Variants in SEM1 observed in about 807,000 individuals in gnomAD.
SEM1 encodes the protein SEM1 26S proteasome subunit.
SEM1 carries 3 observed loss-of-function variants against 12.7 expected under a neutral mutation model. The observed-to-expected ratio is 0.24, with a 90% CI of 0.11 to 0.61. The LOEUF (loss-of-function observed/expected upper bound fraction) is 0.61, where lower values mean the gene tolerates loss of function less well. SEM1 is among the 20% of genes least tolerant of loss of function. The pLI is 0.88. For missense variants in SEM1, 59 were observed against 81.3 expected, an observed-to-expected ratio of 0.73 and a Z score of 1.06; for synonymous variants, 30 against 27.8, an observed-to-expected ratio of 1.08 and a Z score of -0.25.
chr7:96,556,364 G>A (rs1335574715), intron 2 of SEM1, among the ~76,000 whole-genome samples: 1 of 151,784 alleles, frequency 6.6e-6, no homozygotes, highest in African/African-American at 2.4e-5. Context: ...CTTCCTTCAG[G>A]AGCTCTTGTA....
In SEM1 at chr7:96,547,781, G is replaced by A. The variant is rs1049363804; in HGVS notation, c.171-41083C>T. Reference sequence around the variant, plus strand: ...AGTGGTACCTAGATGAGCCGCACTGGGCCCGGATCTTCCCTGTACACAGGA... The same window carrying A: ...AGTGGTACCTAGATGAGCCGCACTGAGCCCGGATCTTCCCTGTACACAGGA... On this transcript the variant is annotated intron_variant and NMD_transcript_variant, in intron 2 of 3. Coordinates refer to the SEM1 transcript ENST00000466986. 2.6e-5 allele frequency among the ~76,000 whole-genome samples: 4 copies of A among 152,010 alleles called. No homozygotes were observed. In the South Asian group the frequency reaches 6.2e-4, roughly 24 times the overall value.
downstream of SEM1, among the ~76,000 whole-genome samples, chr7:96,670,060 T>C (rs1789273280): frequency 6.6e-6 from 1 of 152,224 alleles, no homozygotes; most frequent in African/African-American, 2.4e-5. Context: ...TGATTCTGAC[T>C]TCAAGGTATA....
chr7:96,499,492 A>G (rs77350977), upstream of SEM1, among the ~76,000 whole-genome samples: 3,319 of 152,254 alleles, frequency 0.022, 113 homozygotes, highest in African/African-American at 0.076. Context: ...GCAGGAGGGA[A>G]CTGCATGAGG....
chr7:96,605,195 C>A (rs772374370), intron 2 of SEM1, among the ~76,000 whole-genome samples: 1 of 152,200 alleles, frequency 6.6e-6, no homozygotes, highest in South Asian at 2.1e-4. Flanking sequence ...GACAATTAAC[C>A]TAGTGAGGAA....
At chr7:96,662,524 TGGGAGGCAAG>T (rs1349363719) in intron 2 of SEM1, among the ~76,000 whole-genome samples, 2 of 151,020 alleles carry the variant, frequency 1.3e-5, no homozygotes, top group African/African-American at 4.9e-5. Context: ...TGTCAGGGGG[TGGGAGGCAAG>T]GGGAGGCAGA....
At chr7:96,642,699 T>C (rs1050017548) in intron 2 of SEM1, among the ~76,000 whole-genome samples, 1 of 152,044 alleles carries the variant, frequency 6.6e-6, no homozygotes, top group Admixed American at 6.6e-5. Context: ...TCACTTTTTG[T>C]CTTTCTCTCT....
chr7:96,534,897 T>C (rs1804743169), intron 2 of SEM1, among the ~76,000 whole-genome samples: 1 of 152,036 alleles, frequency 6.6e-6, no homozygotes, highest in Admixed American at 6.6e-5. Context: ...AAAAATTCTT[T>C]TTAACATTTC....
chr7:96,596,468 C>G (rs1226579928), intron 2 of SEM1, among the ~76,000 whole-genome samples: 1 of 152,188 alleles, frequency 6.6e-6, no homozygotes, highest in Admixed American at 6.5e-5. Flanking sequence ...ATGAGGCACA[C>G]AGCACCATTA....
At chr7:96,629,391 C>T (rs973648053) in intron 2 of SEM1, among the ~76,000 whole-genome samples, 1 of 151,806 alleles carries the variant, frequency 6.6e-6, no homozygotes, top group Admixed American at 6.6e-5. Context: ...TCTTCAAGCT[C>T]ACTAATTCCT....
At chr7:96,546,317 C>T (rs1294265943) in intron 2 of SEM1, among the ~76,000 whole-genome samples, 2 of 152,102 alleles carry the variant, frequency 1.3e-5, no homozygotes, top group African/African-American at 4.8e-5. Context: ...AAAAATGCTA[C>T]ACACAGTTCC....
intron 2 of SEM1, among the ~76,000 whole-genome samples, chr7:96,515,762 A>C (rs1299535329): frequency 6.6e-6 from 1 of 152,204 alleles, no homozygotes; most frequent in Admixed American, 6.5e-5. Context: ...CATTGTAAGC[A>C]AACTATCACA....
intron 2 of SEM1, among the ~76,000 whole-genome samples, chr7:96,516,362 A>G (rs1016953928): frequency 1.4e-4 from 22 of 152,150 alleles, no homozygotes; most frequent in African/African-American, 5.1e-4. Context: ...TATCCAAAAT[A>G]GACAAAGAAT....
At chr7:96,504,884 A>T (rs576918708) in intron 3 of SEM1, among the ~76,000 whole-genome samples, 74 of 151,748 alleles carry the variant, frequency 4.9e-4, no homozygotes, top group African/African-American at 1.7e-3. Context: ...TTGAAGACAC[A>T]AGGTTGTTTT....
downstream of SEM1, among the ~76,000 whole-genome samples, chr7:96,683,840 T>C (rs988231243): frequency 6.6e-6 from 1 of 152,058 alleles, no homozygotes; most frequent in African/African-American, 2.4e-5. Context: ...TGAGAATACA[T>C]GGACACAGGG....
chr7:96,588,240 C>T (rs575129172), intron 2 of SEM1, among the ~76,000 whole-genome samples: 1 of 151,860 alleles, frequency 6.6e-6, no homozygotes, highest in South Asian at 2.1e-4. Context: ...CCTGTAGTCT[C>T]AGCTACTTGG....
intron 2 of SEM1, among the ~76,000 whole-genome samples, chr7:96,528,197 G>A (rs1804530640): frequency 6.6e-6 from 1 of 151,964 alleles, no homozygotes; most frequent in Non-Finnish European, 1.5e-5. Flanking sequence ...TAATTTTGTG[G>A]GGTTGTTTTG....
chr7:96,566,551 T>G (rs962841780), intron 2 of SEM1, among the ~76,000 whole-genome samples: 1 of 151,610 alleles, frequency 6.6e-6, no homozygotes, highest in African/African-American at 2.4e-5. Flanking sequence ...AAGATAGCCC[T>G]TTATTATATA....
intron 1 of SEM1, among the ~76,000 whole-genome samples, chr7:96,703,865 C>G (rs1327147858): frequency 1.3e-5 from 2 of 151,884 alleles, no homozygotes; most frequent in African/African-American, 4.8e-5. Flanking sequence ...GAGGCTGAGA[C>G]AGAGGATCAC....
chr7:96,633,150 A>C (rs1189612119), intron 2 of SEM1, among the ~76,000 whole-genome samples: 1 of 152,100 alleles, frequency 6.6e-6, no homozygotes, highest in Non-Finnish European at 1.5e-5. Flanking sequence ...GAATATTTCA[A>C]ACCTCAGCTA....
Sources: gnomAD v4.1 joint callset for allele counts (sites outside exome capture counted in the v4.1 genomes callset) on GRCh38, gnomAD v4.1.1 for gene constraint, MANE v1.5 for transcripts, NCBI Gene and HGNC (gene_info 2026-07-23, HGNC 2026-07-21) for gene names.